Variants in PDK1 observed in about 807,000 individuals in gnomAD.
PDK1 encodes pyruvate dehydrogenase kinase 1.
PDK1 carries 39 observed loss-of-function variants against 54.2 expected under a neutral mutation model. The ratio of observed to expected loss-of-function variants is 0.72; its 90% CI spans 0.56 to 0.94. The LOEUF is 0.94. Among genes scored for constraint, PDK1 ranks in the 40% least tolerant of loss-of-function variants. The pLI is 0.00. For synonymous variants in PDK1, 221 were observed against 207.1 expected, an observed-to-expected ratio of 1.07 and a Z score of -0.58; for missense variants, 552 against 566.0, an observed-to-expected ratio of 0.98 and a Z score of 0.25.
the PDK1 span, among the ~76,000 whole-genome samples, chr2:172,630,830 A>G: frequency 1.3e-5 from 2 of 152,074 alleles, no homozygotes; most frequent in Non-Finnish European, 2.9e-5. Flanking sequence ...GGGTTTTGCC[A>G]TGTTGGCCAG....
intron 1 of PDK1, chr2:172,556,757 A>G (rs1401554162): frequency 6.2e-6 from 1 of 160,594 alleles, no homozygotes; most frequent in Admixed American, 6.5e-5. Flanking sequence ...TGATGATTGC[A>G]TAGAATTGGC....
chr2:172,620,650 G>C, the PDK1 span, among the ~76,000 whole-genome samples: 1 of 152,118 alleles, frequency 6.6e-6, no homozygotes, highest in Non-Finnish European at 1.5e-5. Context: ...GATTTCTTAT[G>C]AATAGTGTAA....
chr2:172,564,929 G>A (rs566736913), intron 4 of PDK1, 49 bp from the exon 5 acceptor site: 6 of 1,218,564 alleles, frequency 4.9e-6, no homozygotes, highest in Non-Finnish European at 7.3e-6. Flanking sequence ...TTGGAAAAGA[G>A]CATTAGGTGG....
At chr2:172,592,253 G>T (rs957118500) in intron 9 of PDK1, among the ~76,000 whole-genome samples, 9 of 152,168 alleles carry the variant, frequency 5.9e-5, no homozygotes, top group Admixed American at 4.6e-4. Context: ...ATTTACCCTG[G>T]CTTTTGAAGG....
chr2:172,692,214 G>C, the PDK1 span, among the ~76,000 whole-genome samples: 2 of 152,182 alleles, frequency 1.3e-5, no homozygotes, highest in African/African-American at 4.8e-5. Flanking sequence ...TGTATGAAGA[G>C]AGCATGAAAA....
downstream of PDK1, among the ~76,000 whole-genome samples, chr2:172,611,792 A>G (rs1208286203): frequency 1.3e-5 from 2 of 152,268 alleles, no homozygotes; most frequent in Admixed American, 1.3e-4. Flanking sequence ...AAGAGAAATC[A>G]TATGATAATA....
chr2:172,620,098 G>A, the PDK1 span, among the ~76,000 whole-genome samples: 5 of 152,186 alleles, frequency 3.3e-5, no homozygotes, highest in Non-Finnish European at 5.9e-5. Flanking sequence ...CCTGGTAGGC[G>A]GAGGTTGTGG....
At chr2:172,624,386 C>T in the PDK1 span, among the ~76,000 whole-genome samples, 4 of 152,122 alleles carry the variant, frequency 2.6e-5, no homozygotes, top group African/African-American at 9.7e-5. Context: ...CCTATCAGTT[C>T]AGTGGTGACA....
rs1281839264 is a variant in PDK1 at position 172,596,850 on chromosome 2, A to T, written c.*881A>T. On this transcript the variant is annotated 3_prime_UTR_variant, in exon 11 of 11. Coordinates refer to ENST00000282077, the MANE Select transcript of PDK1 (RefSeq NM_002610.5). ...TAGAGCCTAGAAATCTCACTTTTTA[A>T]AATGCTTCCAAGGTAAGTCTGATGC... The T allele has an allele frequency of 6.6e-6, 1 of 152,232 alleles. No homozygotes were observed. The allele number at this position is 152,232 out of a possible 1,614,324, so 9.4% of individuals were successfully genotyped here. A position where few individuals can be genotyped will look rare whatever the true frequency, so the allele number is the denominator to read the frequency against.
In PDK1 at chr2:172,599,120, A is replaced by C. The variant is rs1691024043; in HGVS notation, c.*3151A>C. On this transcript the variant is annotated 3_prime_UTR_variant, in exon 11 of 11. Transcript: ENST00000282077. ...GTGTGCTTTTCAAACACTGTAAATAAATTTGAAATTTGAATAACTTTCCAC... is the reference window on the plus strand; with the variant it reads ...GTGTGCTTTTCAAACACTGTAAATACATTTGAAATTTGAATAACTTTCCAC... 1.3e-5 allele frequency: 2 copies of C among 151,690 alleles called. No individual in the cohort carries two copies. Among genetic ancestry groups the C allele is most frequent in the East Asian group, 1.9e-4 (1 of 5,192 alleles). The allele number at this position is 151,690 out of a possible 1,614,324, so 9.4% of individuals were successfully genotyped here. A position where few individuals can be genotyped will look rare whatever the true frequency, so the allele number is the denominator to read the frequency against.
chr2:172,647,977 A>G, the PDK1 span, among the ~76,000 whole-genome samples: 1 of 152,254 alleles, frequency 6.6e-6, no homozygotes, highest in African/African-American at 2.4e-5. Flanking sequence ...TGATCTAATC[A>G]TGAGAAAATG....
chr2:172,573,551 GTATA>G (rs1395874848), intron 8 of PDK1, among the ~76,000 whole-genome samples: 1 of 150,322 alleles, frequency 6.7e-6, no homozygotes, highest in Non-Finnish European at 1.5e-5. Flanking sequence ...ATACATATGT[GTATA>G]TATACGCATA....
At chr2:172,585,316 ATTTTTTTTTTTTTT>A (rs538241255) in intron 8 of PDK1, among the ~76,000 whole-genome samples, 13,914 of 103,400 alleles carry the variant, frequency 0.13, 878 homozygotes, top group Middle Eastern at 0.17. Context: ...TGCATTTTTA[ATTTTTTTTTTTTTT>A]TTTTTTTTTT....
chr2:172,665,844 C>A, the PDK1 span, among the ~76,000 whole-genome samples: 1,073 of 152,248 alleles, frequency 7.0e-3, 19 homozygotes, highest in African/African-American at 0.025. Context: ...TGGAAATGGT[C>A]AGACTGAGCT....
the PDK1 span, among the ~76,000 whole-genome samples, chr2:172,720,503 T>G: frequency 7.2e-5 from 11 of 152,294 alleles, no homozygotes; most frequent in African/African-American, 2.6e-4. Flanking sequence ...TCCCAAGGAA[T>G]GGACTGCTAT....
In PDK1 at chr2:172,558,751, G is replaced by A. The variant is rs1413702653; in HGVS notation, c.240G>A (p.Arg80=). ...AAAAGACCTCATTTATGTTTCTGCG[G>A]CAAGAGTTGCCTGTCAGACTGGCAA... ...ACEKTSFMFL[R]QELPVRLANI... Residue 80 remains arginine, a synonymous_variant, in exon 2 of 11, where the codon CGG becomes CGA. Coordinates refer to ENST00000282077, the MANE Select transcript of PDK1 (RefSeq NM_002610.5). 1.2e-6 allele frequency: 2 copies of A among 1,610,022 alleles called. No homozygotes were observed. Among genetic ancestry groups the A allele is most frequent in the Non-Finnish European group, 1.7e-6 (2 of 1,178,616 alleles).
chr2:172,581,569 AG>A (rs1689911720), intron 8 of PDK1, among the ~76,000 whole-genome samples: 1 of 152,226 alleles, frequency 6.6e-6, no homozygotes, highest in Non-Finnish European at 1.5e-5. Flanking sequence ...TGTCTGTATT[AG>A]GCTCTGCCTT....
chr2:172,663,720 G>A, the PDK1 span, among the ~76,000 whole-genome samples: 2 of 152,264 alleles, frequency 1.3e-5, no homozygotes. Flanking sequence ...GGATTCAAAT[G>A]CTGGGCAGGA....
the PDK1 span, among the ~76,000 whole-genome samples, chr2:172,658,376 T>C: frequency 6.6e-6 from 1 of 152,348 alleles, no homozygotes; most frequent in East Asian, 1.9e-4. Context: ...CCTGTTATCT[T>C]CGTAAGCTGA....
Sources: gnomAD v4.1 joint callset for allele counts (sites outside exome capture counted in the v4.1 genomes callset) on GRCh38, gnomAD v4.1.1 for gene constraint, MANE v1.5 for transcripts, NCBI Gene and HGNC (gene_info 2026-07-23, HGNC 2026-07-21) for gene names.